Variants in USPL1 observed in about 807,000 individuals in gnomAD.
USPL1 encodes the protein ubiquitin specific peptidase like 1, also known as SUMO-specific isopeptidase USPL1.
In USPL1, 27 loss-of-function variants were observed where a neutral mutation model predicts 51.5. The observed-to-expected ratio is 0.52, with a 90% confidence interval of 0.39 to 0.72. The LOEUF (loss-of-function observed/expected upper bound fraction) is 0.72, where lower values mean the gene tolerates loss of function less well. Ranked by LOEUF, USPL1 falls within the 30% of genes least tolerant of loss-of-function variation. The pLI is 0.00. For synonymous variants in USPL1, 451 were observed against 459.6 expected (o/e 0.98, Z 0.24); for missense variants, 1,226 against 1,268.0 (o/e 0.97, Z 0.50).
intron 7 of USPL1, among the ~76,000 whole-genome samples, chr13:30,651,946 T>C (rs1470229500): frequency 1.3e-5 from 2 of 151,550 alleles, no homozygotes; most frequent in African/African-American, 4.9e-5. Flanking sequence ...ACAGAGCTAG[T>C]GTCTGTCTCA....
chr13:30,648,733 T>G (rs11617748), intron 7 of USPL1, among the ~76,000 whole-genome samples: 51,214 of 152,044 alleles, frequency 0.34, 10,747 homozygotes, highest in East Asian at 0.53. Flanking sequence ...CACTATTATT[T>G]GATAGCATTT....
chr13:30,657,486 AATGTGATGACTTAAAAGGCCC>A lies in USPL1; in HGVS notation c.1414_1434del (p.Asp472_Cys478del). 1.3e-6 allele frequency: 2 copies of A among 1,586,594 alleles called. No individual in the cohort carries two copies. Among genetic ancestry groups the A allele is most frequent in the Non-Finnish European group, 1.7e-6 (2 of 1,168,850 alleles). ...TCCCATCTTCCAGGAAGTTGGCTGGAATGTGATGACTTAAAAGGCCCATGTTCTGAAAGGCACAAGAAATTT... is the reference window on the plus strand; with the variant it reads ...TCCCATCTTCCAGGAAGTTGGCTGGAATGTTCTGAAAGGCACAAGAAATTT... On this transcript the variant is annotated inframe_deletion, in exon 9 of 9. Coordinates refer to ENST00000255304, the MANE Select transcript of USPL1 (RefSeq NM_005800.5).
rs1383833322 is a variant in USPL1 at position 30,660,164 on chromosome 13, G to C, written c.*808G>C. On this transcript the variant is annotated 3_prime_UTR_variant, in exon 9 of 9. Coordinates refer to ENST00000255304, the MANE Select transcript of USPL1 (RefSeq NM_005800.5). ...TCCCACCCTCTGCTCAGTTCTGGCT[G>C]AGCCTGGGGCATTTTACGGGCCTCG... 1 of 152,224 alleles carries C rather than the reference G, an allele frequency of 6.6e-6. No individual in the cohort carries two copies. Among genetic ancestry groups the C allele is most frequent in the African/African-American group, 2.4e-5 (1 of 41,358 alleles). 9.4% of individuals were successfully genotyped at this position (152,224 alleles called of 1,614,324 possible).
rs1951180567 is a variant in USPL1, at chr13:30,657,572, A to G, written c.1495A>G (p.Arg499Gly). 3 of 1,614,104 alleles carry G rather than the reference A, an allele frequency of 1.9e-6. No individual in the cohort carries two copies. The highest frequency in any genetic ancestry group is 2.5e-6 in the Non-Finnish European group (3 of 1,180,044). ...AGAGATACATATTGTTATTTGGGAA[A>G]GAAAAATATCCCAAGTGACAGATAA... ...ASEIHIVIWE[R>G]KISQVTDKEA... The change falls in exon 9 of 9, where the codon AGA becomes GGA. Residue 499 changes from arginine to glycine, a missense_variant. Physicochemically the swap from Arg to Gly is moderately radical, Grantham distance 125. Coordinates refer to ENST00000255304, the MANE Select transcript of USPL1 (RefSeq NM_005800.5).
intron 5 of USPL1, among the ~76,000 whole-genome samples, chr13:30,639,108 C>T (rs952892674): frequency 4.3e-4 from 65 of 151,200 alleles, no homozygotes; most frequent in African/African-American, 1.5e-3. Context: ...TCCAGCTACT[C>T]GGGAGGCTGA....
intron 4 of USPL1, among the ~76,000 whole-genome samples, chr13:30,631,972 T>G (rs1285762740): frequency 1.3e-5 from 2 of 151,210 alleles, no homozygotes; most frequent in African/African-American, 4.9e-5. Flanking sequence ...TTTTTTTGTT[T>G]TTTTTTTTTA....
chr13:30,642,708 T>C lies in USPL1; in HGVS notation c.1063T>C (p.Phe355Leu). 1 of 1,613,860 alleles carries C rather than the reference T, an allele frequency of 6.2e-7. No homozygotes were observed. Among genetic ancestry groups the C allele is most frequent in the Non-Finnish European group, 8.5e-7 (1 of 1,179,878 alleles). The change falls in exon 6 of 9, where the codon TTT becomes CTT. Residue 355 changes from phenylalanine to leucine, a missense_variant. Physicochemically the swap from Phe to Leu is conservative, Grantham distance 22. Transcript: ENST00000255304. ...CATTGAAAAGCTCTTCCTATATTCT[T>C]TTTCTTGGGACTTTGAATGTTCGCA... ...THIEKLFLYS[F>L]SWDFECSQCG...
At chr13:30,621,927 T>A in intron 3 of USPL1, 35 bp downstream of exon 3, 1 of 1,304,574 alleles carries the variant, frequency 7.7e-7, no homozygotes, top group Non-Finnish European at 1.0e-6. Context: ...TATATAAGAT[T>A]TTTCTTTTTT....
chr13:30,649,277 C>T (rs889476231), intron 7 of USPL1, among the ~76,000 whole-genome samples: 3 of 151,568 alleles, frequency 2.0e-5, no homozygotes, highest in Non-Finnish European at 2.9e-5. Context: ...TTATATAAGT[C>T]CTTTGTGTTT....
intron 5 of USPL1, among the ~76,000 whole-genome samples, chr13:30,638,814 T>C (rs1205507978): frequency 6.6e-6 from 1 of 150,720 alleles, no homozygotes; most frequent in Non-Finnish European, 1.5e-5. Context: ...CAGTTGTTGC[T>C]ACTGATTTGT....
chr13:30,640,356 G>C (rs1950930339), intron 5 of USPL1, among the ~76,000 whole-genome samples: 1 of 152,068 alleles, frequency 6.6e-6, no homozygotes, highest in African/African-American at 2.4e-5. Flanking sequence ...TCATTTCTAG[G>C]ATATTGATTT....
At chr13:30,647,564 T>C (rs879025987) in intron 7 of USPL1, among the ~76,000 whole-genome samples, 2 of 152,118 alleles carry the variant, frequency 1.3e-5, no homozygotes, top group South Asian at 2.1e-4. Flanking sequence ...TTGTCCTCAG[T>C]TGGGGAGGTT....
At position 30,653,155 on chromosome 13, in the gene USPL1, C is replaced by G. The variant is rs1385864857; in HGVS notation, c.1246C>G (p.Pro416Ala). The G allele has an allele frequency of 3.8e-6, 6 of 1,594,382 alleles. No individual in the cohort carries two copies. Among genetic ancestry groups the G allele is most frequent in the Non-Finnish European group, 5.1e-6 (6 of 1,168,150 alleles). ...IRKMVLEKVS[P>A]IFMLHFVEGL... is the part of the protein sequence containing the mutation. ...TGCTTTTCTCTCCCACAGAGTATCTCCCATATTCATGTTGCACTTTGTAGA... is the reference window on the plus strand; with the variant it reads ...TGCTTTTCTCTCCCACAGAGTATCTGCCATATTCATGTTGCACTTTGTAGA... The change falls in exon 8 of 9, where the codon CCC becomes GCC. Residue 416 changes from proline to alanine, a missense_variant. Transcript: ENST00000255304.
chr13:30,618,675 A>G (rs981004968), intron 1 of USPL1, among the ~76,000 whole-genome samples: 1 of 152,190 alleles, frequency 6.6e-6, no homozygotes, highest in Non-Finnish European at 1.5e-5. Context: ...ATGCTGGGCT[A>G]ATAATTCACA....
chr13:30,644,105 A>G (rs935612695), intron 6 of USPL1, among the ~76,000 whole-genome samples: 1 of 151,810 alleles, frequency 6.6e-6, no homozygotes, highest in Non-Finnish European at 1.5e-5. Context: ...CAACATGGTG[A>G]AACGCTGTCT....
chr13:30,638,287 A>G (rs944317058), intron 5 of USPL1, among the ~76,000 whole-genome samples: 4 of 152,196 alleles, frequency 2.6e-5, no homozygotes, highest in Non-Finnish European at 4.4e-5. Flanking sequence ...GAAACCCCAC[A>G]TGATTGTTAT....
intron 2 of USPL1, 101 bp from the exon 3 acceptor site, chr13:30,621,663 T>A: frequency 3.1e-6 from 3 of 974,464 alleles, no homozygotes; most frequent in Non-Finnish European, 4.1e-6. Context: ...TACTTGTAAT[T>A]GAAAATTATA....
intron 3 of USPL1, among the ~76,000 whole-genome samples, chr13:30,625,492 C>T (rs543113839): frequency 1.3e-3 from 174 of 138,090 alleles, no homozygotes; most frequent in Non-Finnish European, 1.5e-3. Context: ...TGTCACGAGG[C>T]TGGAGTGCAG....
At position 30,657,926 on chromosome 13, in the gene USPL1, A is replaced by G. The variant is rs1379999842; in HGVS notation, c.1849A>G (p.Thr617Ala). Residue 617 changes from threonine to alanine, a missense_variant, in exon 9 of 9, where the codon ACA (threonine) becomes GCA (alanine). Transcript: ENST00000255304. ...AGAAAATAAACCTGTAGCAGAAAAT[A>G]CAGGAATTCTCAAAACCAATACTTT... ...LLENKPVAEN[T>A]GILKTNTLLS... The G allele has an allele frequency of 1.2e-6, 2 of 1,613,932 alleles. No individual in the cohort carries two copies. Among genetic ancestry groups the G allele is most frequent in the Non-Finnish European group, 1.7e-6 (2 of 1,180,042 alleles).
Sources: allele counts gnomAD v4.1 joint callset (sites outside exome capture counted in the v4.1 genomes callset), GRCh38; gene constraint gnomAD v4.1.1; transcripts MANE v1.5; gene names NCBI Gene and HGNC (gene_info 2026-07-23, HGNC 2026-07-21).